KCNH7: variants seen among roughly 807,000 people sequenced by gnomAD.
KCNH7 encodes voltage-gated inwardly rectifying potassium channel KCNH7.
Under a neutral mutation model 120.8 loss-of-function variants are expected in KCNH7, and 49 were observed. The ratio of observed to expected loss-of-function variants is 0.41; its 90% CI spans 0.32 to 0.51. The LOEUF (loss-of-function observed/expected upper bound fraction) is 0.51. KCNH7 is among the 20% of genes least tolerant of loss of function. The pLI, the probability that KCNH7 is intolerant of heterozygous loss-of-function variation, is 0.38. For synonymous variants in KCNH7, 547 were observed against 516.1 expected (o/e 1.06, Z -0.81); for missense variants, 1,097 against 1,446.6 (o/e 0.76, Z 3.92).
chr2:162,374,809 T>C (rs143632658), intron 14 of KCNH7, among the ~76,000 whole-genome samples: 39 of 152,278 alleles, frequency 2.6e-4, no homozygotes, highest in African/African-American at 8.7e-4. Flanking sequence ...TTAGTAAATA[T>C]AGCCATATAG....
At chr2:162,662,703 C>T (rs996085231) in intron 2 of KCNH7, among the ~76,000 whole-genome samples, 4 of 152,130 alleles carry the variant, frequency 2.6e-5, no homozygotes, top group South Asian at 2.1e-4. Flanking sequence ...GTAAACTGTA[C>T]TCTTCTTTAT....
chr2:162,568,009 TA>T (rs1435895797), intron 2 of KCNH7, among the ~76,000 whole-genome samples: 7 of 152,032 alleles, frequency 4.6e-5, no homozygotes, highest in African/African-American at 1.7e-4. Context: ...CTGGGTAATT[TA>T]TAAATTAAAA....
chr2:162,525,153 T>C (rs963518533), intron 3 of KCNH7, among the ~76,000 whole-genome samples: 1 of 151,916 alleles, frequency 6.6e-6, no homozygotes, highest in Non-Finnish European at 1.5e-5. Flanking sequence ...TCCTGTGACA[T>C]TTCCTAGGGT....
At chr2:162,600,282 G>A (rs1236955708) in intron 2 of KCNH7, among the ~76,000 whole-genome samples, 3 of 151,966 alleles carry the variant, frequency 2.0e-5, no homozygotes, top group Non-Finnish European at 4.4e-5. Flanking sequence ...AATAAATAGG[G>A]AGCTCATTCA....
intron 2 of KCNH7, among the ~76,000 whole-genome samples, chr2:162,537,587 ATTCTT>A (rs1200922035): frequency 2.0e-5 from 3 of 152,064 alleles, no homozygotes; most frequent in Non-Finnish European, 2.9e-5. Context: ...TGTTACAGTA[ATTCTT>A]TTCTTTTCTG....
intron 2 of KCNH7, among the ~76,000 whole-genome samples, chr2:162,553,393 T>G (rs1219645203): frequency 2.0e-5 from 3 of 152,140 alleles, no homozygotes; most frequent in Non-Finnish European, 2.9e-5. Context: ...AAAATAAATG[T>G]CATCCCAGTA....
At chr2:162,835,271 T>A (rs566284429) in intron 2 of KCNH7, among the ~76,000 whole-genome samples, 11 of 152,222 alleles carry the variant, frequency 7.2e-5, no homozygotes, top group Admixed American at 4.6e-4. Flanking sequence ...TTGTAACCAC[T>A]CAACTTCATG....
chr2:162,536,857 G>T, intron 3 of KCNH7, 68 bp downstream of exon 3: 1 of 1,254,808 alleles, frequency 8.0e-7, no homozygotes, highest in South Asian at 1.5e-5. Flanking sequence ...TTGAAATGAA[G>T]ACTGTATTAA....
At chr2:162,570,081 A>T (rs4645022) in intron 2 of KCNH7, among the ~76,000 whole-genome samples, 71,420 of 133,344 alleles carry the variant, frequency 0.54, 19,861 homozygotes, top group African/African-American at 0.64. Context: ...TTCCTGGGTA[A>T]CCTTGTTGAC....
At chr2:162,769,066 A>G (rs1682939354) in intron 2 of KCNH7, 1 of 152,150 alleles carries the variant, frequency 6.6e-6, no homozygotes, top group African/African-American at 2.4e-5. Flanking sequence ...AACTTGGTTT[A>G]ACTTTATAGT....
At chr2:162,655,773 T>TA (rs1484432329) in intron 2 of KCNH7, among the ~76,000 whole-genome samples, 1 of 152,030 alleles carries the variant, frequency 6.6e-6, no homozygotes, top group Non-Finnish European at 1.5e-5. Context: ...AGCCTGGTGA[T>TA]AGAGCAAGAC....
intron 2 of KCNH7, among the ~76,000 whole-genome samples, chr2:162,654,146 T>A: frequency 6.9e-6 from 1 of 144,484 alleles, no homozygotes; most frequent in South Asian, 2.2e-4. Context: ...AATAGAAAAA[T>A]GGATGAAATC....
chr2:162,640,473 TGGGA>T (rs1378541390), intron 2 of KCNH7, among the ~76,000 whole-genome samples: 1 of 151,726 alleles, frequency 6.6e-6, no homozygotes, highest in Non-Finnish European at 1.5e-5. Flanking sequence ...CCAAATGAAG[TGGGA>T]GCAATTGGAC....
intron 2 of KCNH7, among the ~76,000 whole-genome samples, chr2:162,647,902 C>T (rs1430062955): frequency 6.6e-6 from 1 of 152,112 alleles, no homozygotes; most frequent in East Asian, 1.9e-4. Flanking sequence ...CCTAGTTTGC[C>T]TGTGGTGGGT....
At chr2:162,637,352 G>C (rs1336822738) in intron 2 of KCNH7, among the ~76,000 whole-genome samples, 2 of 151,970 alleles carry the variant, frequency 1.3e-5, no homozygotes, top group Non-Finnish European at 2.9e-5. Context: ...ACTATCCCCT[G>C]GATCATCTTG....
chr2:162,765,193 G>C (rs1396800718), intron 2 of KCNH7, among the ~76,000 whole-genome samples: 1 of 152,104 alleles, frequency 6.6e-6, no homozygotes. Flanking sequence ...CCTGATTGCA[G>C]GGTGCAGAAA....
Position 162,384,898 on chromosome 2 carries a change from T to G in KCNH7, c.2752A>C (p.Arg918=). The change falls in exon 13 of 16, where the codon AGA becomes CGA. Residue 918 remains arginine (R), a synonymous_variant. Transcript: ENST00000332142. ...TGTCTCTTGGAACTCTGATAATGTCTTATGGTATCTGCAGAGTCTTCAGGA... is the reference window on the plus strand; with the variant it reads ...TGTCTCTTGGAACTCTGATAATGTCGTATGGTATCTGCAGAGTCTTCAGGA... ...NDPEDSADTI[R]HYQSSKRHFE... 1.2e-6 allele frequency: 2 copies of G among 1,611,840 alleles called. No individual in the cohort carries two copies. Among genetic ancestry groups the G allele is most frequent in the Non-Finnish European group, 1.7e-6 (2 of 1,178,360 alleles).
intron 9 of KCNH7, among the ~76,000 whole-genome samples, chr2:162,414,849 C>CT (rs1412126215): frequency 2.6e-5 from 4 of 151,892 alleles, no homozygotes; most frequent in African/African-American, 9.7e-5. Flanking sequence ...AGGCAAATAA[C>CT]TTTTTATCTA....
intron 2 of KCNH7, among the ~76,000 whole-genome samples, chr2:162,685,371 C>T (rs1015877243): frequency 6.6e-6 from 1 of 151,848 alleles, no homozygotes; most frequent in Non-Finnish European, 1.5e-5. Context: ...TTAGACCATA[C>T]GTTCTGGGAA....
Sources: gnomAD v4.1 joint callset for allele counts (sites outside exome capture counted in the v4.1 genomes callset) on GRCh38, gnomAD v4.1.1 for gene constraint, MANE v1.5 for transcripts, NCBI Gene and HGNC (gene_info 2026-07-23, HGNC 2026-07-21) for gene names.